DHRSX: variants seen among roughly 807,000 people sequenced by gnomAD.
DHRSX encodes polyprenol dehydrogenase.
A neutral mutation model predicts 34.0 loss-of-function variants in DHRSX; 31 were observed. The observed-to-expected ratio is 0.91, with a 90% CI of 0.69 to 1.23. DHRSX has a LOEUF of 1.23. Among genes scored for constraint, DHRSX ranks in the 50% most tolerant of loss-of-function variants. The pLI, the probability that DHRSX is intolerant of heterozygous loss-of-function variation, is 0.00. For synonymous variants in DHRSX, 201 were observed against 183.8 expected (o/e 1.09, Z -0.76); for missense variants, 414 against 428.1 (o/e 0.97, Z 0.29).
chrX:2,413,930 T>C (rs1006972328), intron 2 of DHRSX, among the ~76,000 whole-genome samples: 11 of 151,700 alleles, frequency 7.3e-5, no homozygotes, highest in Non-Finnish European at 1.5e-4. Context: ...CATGACCTAA[T>C]ACAAACAGGT....
At position 2,246,706 on chromosome X, in the gene DHRSX, G is replaced by GAGAAGGAAAGAAAGAA. The variant is rs1556432407; in HGVS notation, c.597-3477_597-3476insTTCTTTCTTTCCTTCT. 2.8e-5 allele frequency among the ~76,000 whole-genome samples: 3 copies of GAGAAGGAAAGAAAGAA among 107,506 alleles called. No individual in the cohort carries two copies. In the East Asian group the frequency reaches 7.8e-4, roughly 28 times the overall value. 70.5% of individuals were successfully genotyped at this position (107,506 alleles called of 152,430 possible). On this transcript the variant is annotated intron_variant, in intron 5 of 6. Transcript: ENST00000334651. ...AGAAAAAGAAAAGAAAAGAAAGAAA[G>GAGAAGGAAAGAAAGAA]AGAAAGAAAGAAAGAAAGAAAGAAA...
chrX:2,254,946 GCC>G (rs1019729155), intron 5 of DHRSX, among the ~76,000 whole-genome samples: 15 of 104,694 alleles, frequency 1.4e-4, no homozygotes, highest in Non-Finnish European at 2.7e-4. Context: ...CCTGCCCCAC[GCC>G]CCCCCCCTTT....
chrX:2,220,543 T>G lies in DHRSX; in HGVS notation c.*498A>C, dbSNP rs2015498007. On this transcript the variant is annotated 3_prime_UTR_variant, in exon 7 of 7. Coordinates refer to ENST00000334651, the MANE Select transcript of DHRSX (RefSeq NM_145177.3). The stretch of plus-strand genomic sequence containing the variant: ...GCTGCTGGCCACGTCAAACTCATCC[T>G]ACAGGCTGTAGCAAGCAAGGCTCAC... The G allele has an allele frequency of 6.4e-6, 1 of 156,552 alleles. No individual in the cohort carries two copies. 9.7% of individuals were successfully genotyped at this position (156,552 alleles called of 1,614,324 possible).
chrX:2,404,159 T>C (rs2054723710), intron 3 of DHRSX, among the ~76,000 whole-genome samples: 1 of 152,060 alleles, frequency 6.6e-6, no homozygotes. Context: ...TGAAGGTGCG[T>C]GGGGATCATT....
In DHRSX at chrX:2,244,773, G is replaced by A. The variant is rs759103148; in HGVS notation, c.597-1543C>T. On this transcript the variant is annotated intron_variant, in intron 5 of 6. Coordinates refer to ENST00000334651, the MANE Select transcript of DHRSX (RefSeq NM_145177.3). ...GTCAACCCAGCTGGAGTACAGTGGC[G>A]TGATCTCGGCTCACTGCAAGCTCCT... Among the ~76,000 whole-genome samples the A allele has an allele frequency of 2.2e-4, 33 of 152,010 alleles. 1 individual carries two copies. In the South Asian group the frequency reaches 3.3e-3, roughly 15 times the overall value.
In DHRSX at chrX:2,357,117, G is replaced by A. The variant is rs1316113337; in HGVS notation, c.286+51628C>T. On this transcript the variant is annotated intron_variant, in intron 3 of 6. Transcript: ENST00000334651. ...AAATTAGCCAGGCATGGTGGCGTGC[G>A]CCTGTAATGCCAGCTACTCAGGAGG... Among the ~76,000 whole-genome samples the A allele has an allele frequency of 6.6e-5, 10 of 152,024 alleles. 1 individual carries two copies. Among genetic ancestry groups the A allele is most frequent in the South Asian group, 6.2e-4 (3 of 4,814 alleles).
At chrX:2,249,770 C>T (rs1164879484) in intron 5 of DHRSX, among the ~76,000 whole-genome samples, 8 of 151,820 alleles carry the variant, frequency 5.3e-5, no homozygotes, top group Middle Eastern at 3.4e-3. Context: ...GTGAACCGCC[C>T]GCCTTGGCCT....
intron 1 of DHRSX, among the ~76,000 whole-genome samples, chrX:2,499,052 G>C (rs192306102): frequency 0.016 from 2,487 of 152,252 alleles, 60 homozygotes; most frequent in African/African-American, 0.049. Context: ...CTGGCTAGAG[G>C]CGGGAGAGAG....
intron 3 of DHRSX, among the ~76,000 whole-genome samples, chrX:2,390,747 G>A (rs1286878203): frequency 1.3e-5 from 2 of 152,160 alleles, no homozygotes; most frequent in Non-Finnish European, 2.9e-5. Flanking sequence ...TTGTCCTTTG[G>A]GGATTGGTTT....
At chrX:2,276,450 T>C (rs940493659) in intron 4 of DHRSX, among the ~76,000 whole-genome samples, 9 of 152,150 alleles carry the variant, frequency 5.9e-5, no homozygotes, top group African/African-American at 2.2e-4. Flanking sequence ...AAAACTATCG[T>C]CCATCGATCT....
At chrX:2,399,234 G>A (rs1414585602) in intron 3 of DHRSX, among the ~76,000 whole-genome samples, 1 of 152,144 alleles carries the variant, frequency 6.6e-6, no homozygotes, top group Non-Finnish European at 1.5e-5. Flanking sequence ...CCACGCATGA[G>A]AACACATACG....
intron 1 of DHRSX, chrX:2,488,839 G>A (rs375144336): frequency 1.5e-5 from 25 of 1,613,654 alleles, no homozygotes; most frequent in African/African-American, 6.7e-5. Context: ...CGCTGACCAC[G>A]TTGGCGGCGG....
intron 1 of DHRSX, among the ~76,000 whole-genome samples, chrX:2,473,400 G>T (rs113985615): frequency 1.9e-3 from 295 of 152,220 alleles, no homozygotes; most frequent in Non-Finnish European, 3.3e-3. Flanking sequence ...GAGGCGGATG[G>T]ATCACCTGAA....
intron 3 of DHRSX, among the ~76,000 whole-genome samples, chrX:2,294,666 A>G (rs2041908675): frequency 1.4e-5 from 2 of 145,626 alleles, no homozygotes; most frequent in African/African-American, 5.3e-5. Context: ...CTCTGTCTCA[A>G]AAAAAAAAAA....
At chrX:2,267,004 C>A (rs2041484356) in intron 4 of DHRSX, 57 bp from the exon 5 acceptor site, 1 of 1,573,880 alleles carries the variant, frequency 6.4e-7, no homozygotes, top group East Asian at 2.2e-5. Context: ...GGAGAAATCT[C>A]ACAGATGGAT....
intron 3 of DHRSX, among the ~76,000 whole-genome samples, chrX:2,378,985 A>G (rs1231754788): frequency 6.6e-6 from 1 of 152,004 alleles, no homozygotes; most frequent in Admixed American, 6.6e-5. Flanking sequence ...GGCTTACTTT[A>G]TTGTAAGAAT....
chrX:2,489,870 C>A (rs780655943), intron 1 of DHRSX: 1 of 1,613,680 alleles, frequency 6.2e-7, no homozygotes, highest in Non-Finnish European at 8.5e-7. Context: ...TGCACTGCGA[C>A]GTCCAGCAGG....
intron 3 of DHRSX, among the ~76,000 whole-genome samples, chrX:2,404,083 A>G (rs943337997): frequency 3.9e-5 from 6 of 152,188 alleles, no homozygotes; most frequent in African/African-American, 1.4e-4. Context: ...GTCAGTTTCC[A>G]GAAACTTCTC....
intron 1 of DHRSX, among the ~76,000 whole-genome samples, chrX:2,479,432 G>T (rs767593607): frequency 7.0e-6 from 1 of 143,428 alleles, no homozygotes; most frequent in Non-Finnish European, 1.5e-5. Context: ...ACGACATTCC[G>T]TAAGAATATG....
Sources: allele counts gnomAD v4.1 joint callset (sites outside exome capture counted in the v4.1 genomes callset), GRCh38; gene constraint gnomAD v4.1.1; transcripts MANE v1.5; gene names NCBI Gene and HGNC (gene_info 2026-07-23, HGNC 2026-07-21).